The following TXNDC16 variants were observed in gnomAD, a reference collection of about 807,000 sequenced individuals.
TXNDC16 encodes the protein thioredoxin domain-containing protein 16.
TXNDC16 carries 74 observed loss-of-function variants against 85.6 expected under a neutral mutation model. The observed-to-expected ratio is 0.86, with a 90% CI of 0.72 to 1.05. The LOEUF is 1.05. TXNDC16 is among the 50% of genes least tolerant of loss of function. The probability of loss-of-function intolerance (pLI) is 0.00; values close to 1 mark genes in which losing one functional copy is unlikely to be tolerated. For synonymous variants in TXNDC16, 335 were observed against 326.5 expected, an observed-to-expected ratio of 1.03 and a Z score of -0.28; for missense variants, 959 against 947.0, an observed-to-expected ratio of 1.01 and a Z score of -0.17.
intron 6 of TXNDC16, among the ~76,000 whole-genome samples, chr14:52,533,976 T>C (rs1415760257): frequency 6.6e-6 from 1 of 152,184 alleles, no homozygotes; most frequent in Non-Finnish European, 1.5e-5. Context: ...CCTATGTCCT[T>C]GACCTCAATT....
chr14:52,491,821 G>A (rs1420239670), intron 9 of TXNDC16, among the ~76,000 whole-genome samples: 2 of 152,152 alleles, frequency 1.3e-5, no homozygotes, highest in Non-Finnish European at 2.9e-5. Context: ...ATAAACACAT[G>A]GATGTGAAGA....
At chr14:52,482,782 T>A in intron 13 of TXNDC16, 40 bp downstream of exon 13, 1 of 1,516,288 alleles carries the variant, frequency 6.6e-7, no homozygotes, top group Non-Finnish European at 8.8e-7. Flanking sequence ...GGTTTTTAAA[T>A]GTCCTAATAT....
chr14:52,470,469 GACCTAA>G, intron 15 of TXNDC16, 37 bp downstream of exon 15: 1 of 1,574,296 alleles, frequency 6.4e-7, no homozygotes, highest in Non-Finnish European at 8.6e-7. Flanking sequence ...AACTTCTAAA[GACCTAA>G]ACATTCAGAG....
chr14:52,490,736 T>G, intron 10 of TXNDC16, 103 bp downstream of exon 10: 1 of 1,258,866 alleles, frequency 7.9e-7, no homozygotes. Flanking sequence ...TGGAATCTAT[T>G]AGAGATTTGA....
intron 14 of TXNDC16, among the ~76,000 whole-genome samples, chr14:52,476,234 C>T (rs2036017803): frequency 6.6e-6 from 1 of 152,118 alleles, no homozygotes; most frequent in Non-Finnish European, 1.5e-5. Context: ...GAGAAGGAAC[C>T]AGAAAACCAA....
intron 12 of TXNDC16, among the ~76,000 whole-genome samples, chr14:52,486,986 G>GAGAAGGCA (rs2140149663): frequency 6.6e-6 from 1 of 152,258 alleles, no homozygotes. Context: ...AAACCAGAAA[G>GAGAAGGCA]AGAAGGCAGC....
At chr14:52,543,923 A>G (rs76538825) in intron 2 of TXNDC16, among the ~76,000 whole-genome samples, 2,036 of 152,194 alleles carry the variant, frequency 0.013, 46 homozygotes, top group African/African-American at 0.046. Context: ...TCAAACATTA[A>G]CCAATCCATT....
chr14:52,483,081 C>A, intron 12 of TXNDC16, 116 bp from the exon 13 acceptor site: 1 of 874,188 alleles, frequency 1.1e-6, no homozygotes, highest in Non-Finnish European at 1.6e-6. Flanking sequence ...TTGAATTCAT[C>A]CTATCTTAAT....
At chr14:52,443,885 C>G (rs2035220864) in intron 18 of TXNDC16, among the ~76,000 whole-genome samples, 1 of 152,060 alleles carries the variant, frequency 6.6e-6, no homozygotes, top group African/African-American at 2.4e-5. Context: ...TAGAAGGAAA[C>G]TGAGTTCTAA....
At chr14:52,461,032 A>G (rs2035640624) in intron 16 of TXNDC16, among the ~76,000 whole-genome samples, 1 of 151,494 alleles carries the variant, frequency 6.6e-6, no homozygotes, top group African/African-American at 2.4e-5. Context: ...AACTTTCTAC[A>G]ATTTATTTAG....
intron 16 of TXNDC16, among the ~76,000 whole-genome samples, chr14:52,459,047 C>T (rs1329899567): frequency 6.6e-6 from 1 of 152,048 alleles, no homozygotes; most frequent in Non-Finnish European, 1.5e-5. Context: ...ATATGGCAAC[C>T]TCAAATACAA....
chr14:52,463,944 G>A (rs573720361), intron 16 of TXNDC16, among the ~76,000 whole-genome samples: 101 of 152,188 alleles, frequency 6.6e-4, no homozygotes, highest in Non-Finnish European at 7.4e-4. Flanking sequence ...AAAAAGGAAC[G>A]AATATCTAAC....
intron 6 of TXNDC16, among the ~76,000 whole-genome samples, chr14:52,536,303 T>C (rs1439565302): frequency 6.6e-6 from 1 of 152,208 alleles, no homozygotes; most frequent in Non-Finnish European, 1.5e-5. Flanking sequence ...GCCAGTACTT[T>C]GATCTTGGAC....
chr14:52,450,008 C>T (rs924530952), intron 18 of TXNDC16, among the ~76,000 whole-genome samples: 4 of 151,916 alleles, frequency 2.6e-5, no homozygotes, highest in African/African-American at 9.7e-5. Context: ...AAAGAAACAA[C>T]CCAATGATAC....
At chr14:52,532,754 T>C (rs1321978551) in intron 6 of TXNDC16, among the ~76,000 whole-genome samples, 1 of 151,952 alleles carries the variant, frequency 6.6e-6, no homozygotes. Flanking sequence ...TCTATTTTTA[T>C]GAGTAGTATG....
At chr14:52,513,899 C>CG (rs2037017026) in intron 8 of TXNDC16, among the ~76,000 whole-genome samples, 1 of 152,018 alleles carries the variant, frequency 6.6e-6, no homozygotes, top group Non-Finnish European at 1.5e-5. Flanking sequence ...CATGCAATCA[C>CG]TGTGGTATGG....
intron 13 of TXNDC16, among the ~76,000 whole-genome samples, chr14:52,482,514 G>C (rs939253362): frequency 3.3e-5 from 5 of 152,048 alleles, no homozygotes; most frequent in Non-Finnish European, 5.9e-5. Context: ...GCTATGATTT[G>C]AAGATAAAAG....
Position 52,440,558 on chromosome 14 carries a change from A to T in TXNDC16, c.2003+6T>A, listed in dbSNP as rs753805911. The T allele has an allele frequency of 3.5e-5, 55 of 1,565,112 alleles. 1 individual carries two copies. The South Asian group carries it at 6.6e-4, about 19-fold the overall frequency. The stretch of plus-strand genomic sequence containing the variant: ...CTTACATATTAAAAAATAAACACAT[A>T]CTTACAGATTTAACCAGCATGGAGT... On this transcript the variant is annotated splice_donor_region_variant and intron_variant, in intron 19 of 20. Coordinates refer to ENST00000281741, the MANE Select transcript of TXNDC16 (RefSeq NM_020784.3).
chr14:52,512,865 G>A (rs1315940232), intron 8 of TXNDC16, among the ~76,000 whole-genome samples: 1 of 152,068 alleles, frequency 6.6e-6, no homozygotes, highest in Non-Finnish European at 1.5e-5. Context: ...TTATAAGTGG[G>A]CAAAACATTC....
Sources: allele counts gnomAD v4.1 joint callset (sites outside exome capture counted in the v4.1 genomes callset), GRCh38; gene constraint gnomAD v4.1.1; transcripts MANE v1.5; gene names NCBI Gene and HGNC (gene_info 2026-07-23, HGNC 2026-07-21).